SKI: variants seen among roughly 807,000 people sequenced by gnomAD.
SKI encodes SKI proto-oncogene, also known as ski oncogene.
In SKI, 23 loss-of-function variants were observed where a neutral mutation model predicts 59.3. The ratio of observed to expected loss-of-function variants is 0.39; its 90% CI spans 0.28 to 0.55. SKI has a LOEUF of 0.55. SKI is among the 20% of genes least tolerant of loss of function. The probability of loss-of-function intolerance (pLI) is 0.67; values close to 1 mark genes in which losing one functional copy is unlikely to be tolerated. For synonymous variants in SKI, 673 were observed against 488.6 expected, an observed-to-expected ratio of 1.38 and a Z score of -4.98; for missense variants, 1,017 against 1,038.9, an observed-to-expected ratio of 0.98 and a Z score of 0.29.
At chr1:2,287,649 T>C (rs1254491827) in intron 1 of SKI, among the ~76,000 whole-genome samples, 1 of 152,100 alleles carries the variant, frequency 6.6e-6, no homozygotes, top group Non-Finnish European at 1.5e-5. Flanking sequence ...CAAGGTGGGC[T>C]ACGAGGGTCT....
At chr1:2,272,773 C>T (rs1049899784) in intron 1 of SKI, among the ~76,000 whole-genome samples, 8 of 152,196 alleles carry the variant, frequency 5.3e-5, no homozygotes, top group African/African-American at 1.9e-4. Context: ...GTCTCCCCTG[C>T]CCCGGCCTAT....
chr1:2,260,769 G>C (rs1004676110), intron 1 of SKI, among the ~76,000 whole-genome samples: 4 of 151,980 alleles, frequency 2.6e-5, no homozygotes, highest in Non-Finnish European at 1.5e-5. Context: ...GCGAACTCTA[G>C]CTCAAATGAT....
At position 2,268,671 on chromosome 1, in the gene SKI, G is replaced by A. The variant is rs759519828; in HGVS notation, c.970-34307G>A. On this transcript the variant is annotated intron_variant, in intron 1 of 6. Transcript: ENST00000378536. The surrounding 1 kb of genome is among the most constrained non-coding windows in gnomAD (Gnocchi z 5.0). ...TTTTCAGCTTTGACGGAGAAATGAGGCTTGGAGTCTTTTTCTGGCCTGTGA... is the reference window on the plus strand; with the variant it reads ...TTTTCAGCTTTGACGGAGAAATGAGACTTGGAGTCTTTTTCTGGCCTGTGA... Among the ~76,000 whole-genome samples, 4 of 152,228 alleles carry A rather than the reference G, an allele frequency of 2.6e-5. No homozygotes were observed. Among genetic ancestry groups the A allele is most frequent in the Non-Finnish European group, 4.4e-5 (3 of 68,032 alleles).
chr1:2,292,042 C>T (rs561954638), intron 1 of SKI, among the ~76,000 whole-genome samples: 1 of 152,324 alleles, frequency 6.6e-6, no homozygotes, highest in South Asian at 2.1e-4. Context: ...TTTATAATTT[C>T]TTGAACCGTG....
At chr1:2,295,308 G>A (rs948436169) in intron 1 of SKI, among the ~76,000 whole-genome samples, 7 of 152,234 alleles carry the variant, frequency 4.6e-5, no homozygotes, top group East Asian at 1.9e-4. Flanking sequence ...TCTGAGGGCC[G>A]TGCTGCAGTG....
intron 1 of SKI, among the ~76,000 whole-genome samples, chr1:2,292,282 C>T (rs1640178266): frequency 1.3e-5 from 2 of 152,184 alleles, no homozygotes; most frequent in Admixed American, 6.5e-5. Flanking sequence ...TTTTGGGGTT[C>T]GGGCTTTTGG....
rs1269562612 is a variant in SKI at position 2,306,687 on chromosome 1, G to A, written c.2109G>A (p.Lys703=). The A allele has an allele frequency of 1.9e-6, 3 of 1,544,130 alleles. No homozygotes were observed. The highest frequency in any genetic ancestry group is 2.6e-6 in the Non-Finnish European group (3 of 1,145,050). The stretch of plus-strand genomic sequence containing the variant: ...GGGAGCACCTGGAGAAGGTGGTGAA[G>A]GAGCTGCAGGAACAGCTGTGGCCGC... ...EAREHLEKVV[K]ELQEQLWPRA... Residue 703 remains lysine, a synonymous_variant, in exon 7 of 7, where the codon AAG becomes AAA. Coordinates refer to ENST00000378536, the MANE Select transcript of SKI (RefSeq NM_003036.4).
rs1361712039 is a variant in SKI, at chr1:2,306,718, C to T, written c.2140C>T (p.Arg714Cys). The change falls in exon 7 of 7, where the codon CGC becomes TGC. Residue 714 changes from arginine (R) to cysteine (C), a missense_variant. Physicochemically the swap from Arg to Cys is radical, Grantham distance 180. Coordinates refer to ENST00000378536, the MANE Select transcript of SKI (RefSeq NM_003036.4). Reference protein sequence around the residue: ...ELQEQLWPRARPEAAGSEGAA... With the variant: ...ELQEQLWPRACPEAAGSEGAA... ...GCAGGAACAGCTGTGGCCGCGGGCC[C>T]GCCCCGAGGCTGCGGGCAGCGAGGG... is the stretch of plus-strand genomic sequence containing the variant. The T allele has an allele frequency of 1.6e-5, 25 of 1,535,004 alleles. No individual in the cohort carries two copies. Among genetic ancestry groups the T allele is most frequent in the Non-Finnish European group, 2.2e-5 (25 of 1,142,154 alleles).
intron 1 of SKI, among the ~76,000 whole-genome samples, chr1:2,234,989 C>T (rs1253405943): frequency 1.3e-5 from 2 of 151,740 alleles, no homozygotes; most frequent in African/African-American, 2.4e-5. Context: ...CGGCTCCTTC[C>T]TGCCCTGCCC....
intron 1 of SKI, among the ~76,000 whole-genome samples, chr1:2,254,492 C>G (rs959412471): frequency 1.8e-4 from 28 of 152,344 alleles, no homozygotes; most frequent in African/African-American, 6.7e-4. Flanking sequence ...GTCTACTGGA[C>G]TGCTTTTTAT....
chr1:2,266,873 A>G (rs1474487326), intron 1 of SKI, among the ~76,000 whole-genome samples: 2 of 152,178 alleles, frequency 1.3e-5, no homozygotes, highest in Non-Finnish European at 2.9e-5. Flanking sequence ...GCCAAGTTTC[A>G]GATAGAAAGA....
intron 1 of SKI, among the ~76,000 whole-genome samples, chr1:2,291,870 C>G (rs1640170229): frequency 6.6e-6 from 1 of 152,206 alleles, no homozygotes; most frequent in Non-Finnish European, 1.5e-5. Context: ...TCCGAGTGAA[C>G]CTTTAAAGCT....
chr1:2,266,966 G>A (rs546775282), intron 1 of SKI, among the ~76,000 whole-genome samples: 2 of 152,266 alleles, frequency 1.3e-5, no homozygotes, highest in South Asian at 2.1e-4. Flanking sequence ...GGCAAATCAC[G>A]CTCCGTGGCA....
rs932372911 is a variant in SKI at position 2,306,825 on chromosome 1, C to T, written c.*60C>T. ...GCGGGTGCAGGGGGGCGCGGCTGGG[C>T]GGTGCAGCTCCGCCCGGCTCCGCCC... On this transcript the variant is annotated 3_prime_UTR_variant, in exon 7 of 7. Coordinates refer to ENST00000378536, the MANE Select transcript of SKI (RefSeq NM_003036.4). 217 of 1,230,278 alleles carry T rather than the reference C, an allele frequency of 1.8e-4. No individual in the cohort carries two copies. The African/African-American group carries it at 2.8e-3, about 16-fold the overall frequency. 76.2% of individuals were successfully genotyped at this position (1,230,278 alleles called of 1,614,324 possible). A position where few individuals can be genotyped will look rare whatever the true frequency, so the allele number is the denominator to read the frequency against.
intron 1 of SKI, among the ~76,000 whole-genome samples, chr1:2,292,874 C>G (rs369650351): frequency 6.6e-6 from 1 of 152,174 alleles, no homozygotes; most frequent in African/African-American, 2.4e-5. Context: ...AACGCCTGTC[C>G]CTGGCGGGGC....
In SKI at chr1:2,308,460, T is replaced by C. The variant is rs1389271661; in HGVS notation, c.*1695T>C. The C allele has an allele frequency of 6.6e-6, 1 of 152,246 alleles. No homozygotes were observed. The highest frequency in any genetic ancestry group is 1.9e-4 in the East Asian group (1 of 5,196). 9.4% of individuals were successfully genotyped at this position (152,246 alleles called of 1,614,324 possible). On this transcript the variant is annotated 3_prime_UTR_variant, in exon 7 of 7. Transcript: ENST00000378536. ...TTTGGAATTTTCTTTGCTTTTGTTTTCTTTGCGGTTGTTCTGTGTGCATGG... is the reference window on the plus strand; with the variant it reads ...TTTGGAATTTTCTTTGCTTTTGTTTCCTTTGCGGTTGTTCTGTGTGCATGG...
At chr1:2,243,467 C>T (rs561244753) in intron 1 of SKI, among the ~76,000 whole-genome samples, 46 of 152,328 alleles carry the variant, frequency 3.0e-4, no homozygotes, top group Middle Eastern at 3.4e-3. Flanking sequence ...GTGTGCTCTC[C>T]GAGTGCCTGT....
intron 4 of SKI, 78 bp downstream of exon 4, chr1:2,304,180 G>A: frequency 1.3e-6 from 2 of 1,584,692 alleles, no homozygotes; most frequent in Non-Finnish European, 1.7e-6. Flanking sequence ...TGGTCGCCGG[G>A]GGTGCGTTGG....
At chr1:2,240,388 C>G (rs1418626557) in intron 1 of SKI, 1 of 704,408 alleles carries the variant, frequency 1.4e-6, no homozygotes, top group Non-Finnish European at 1.7e-6. Flanking sequence ...CCAGGCAGGT[C>G]TGGCTACGGG....
Sources: gnomAD v4.1 joint callset for allele counts (sites outside exome capture counted in the v4.1 genomes callset) on GRCh38, gnomAD v4.1.1 for gene constraint, Gnocchi (gnomAD v3.1) non-coding constraint, MANE v1.5 for transcripts, NCBI Gene and HGNC (gene_info 2026-07-23, HGNC 2026-07-21) for gene names.